The following FLI1 variants were observed in gnomAD, a reference collection of about 807,000 sequenced individuals.
FLI1 encodes the protein Fli-1 proto-oncogene, ETS transcription factor, also known as Friend leukemia integration 1 transcription factor.
In FLI1, 13 loss-of-function variants were observed where a neutral mutation model predicts 53.1. That is an observed-to-expected ratio of 0.24 (90% CI 0.16 to 0.39). The LOEUF (loss-of-function observed/expected upper bound fraction) is 0.39, where lower values mean the gene tolerates loss of function less well. FLI1 is among the 10% of genes least tolerant of loss of function. FLI1 has a pLI of 1.00. For missense variants in FLI1, 424 were observed against 600.5 expected (o/e 0.71, Z 3.07); for synonymous variants, 244 against 236.7 (o/e 1.03, Z -0.28).
At chr11:128,750,339 T>C (rs1457975871) in intron 1 of FLI1, among the ~76,000 whole-genome samples, 1 of 152,186 alleles carries the variant, frequency 6.6e-6, no homozygotes. Context: ...AAGGACACAA[T>C]GGGACATTGG....
intron 8 of FLI1, 148 bp downstream of exon 8, chr11:128,809,352 C>A: frequency 1.3e-6 from 1 of 744,236 alleles, no homozygotes; most frequent in Non-Finnish European, 2.3e-6. Context: ...GTTTCTGGAG[C>A]ATGTGAACAA....
chr11:128,750,714 T>G (rs1940607637), intron 1 of FLI1, among the ~76,000 whole-genome samples: 1 of 152,174 alleles, frequency 6.6e-6, no homozygotes, highest in Non-Finnish European at 1.5e-5. Flanking sequence ...TCACATCCCA[T>G]CACTCAACTC....
rs534092063 is a variant in FLI1 at position 128,768,471 on chromosome 11, G to C, written c.385+199G>C. ...CCAAGACGGGTGAATCACTTGTCAG[G>C]AGTTCAAGACCAGCCTAGCCAACGT... is the stretch of plus-strand genomic sequence containing the variant. On this transcript the variant is annotated intron_variant, in intron 3 of 8. Coordinates refer to ENST00000527786, the MANE Select transcript of FLI1 (RefSeq NM_002017.5). 941 of 610,266 alleles carry C rather than the reference G, an allele frequency of 1.5e-3. 8 individuals carry two copies. The African/African-American group carries it at 0.016, about 10-fold the overall frequency. 37.8% of individuals were successfully genotyped at this position (610,266 alleles called of 1,614,324 possible).
chr11:128,694,374 C>G, intron 1 of FLI1, 98 bp downstream of exon 1: 1 of 980,960 alleles, frequency 1.0e-6, no homozygotes, highest in Non-Finnish European at 1.4e-6. Context: ...AAGACGTGGC[C>G]TCTCTCCCTT....
intron 1 of FLI1, among the ~76,000 whole-genome samples, chr11:128,746,059 C>T (rs1940374700): frequency 6.6e-6 from 1 of 152,114 alleles, no homozygotes; most frequent in Non-Finnish European, 1.5e-5. Context: ...TTAGGCAAGC[C>T]TTGGGGGAAG....
chr11:128,787,963 C>T lies in FLI1; in HGVS notation c.655+5940C>T, dbSNP rs548842276. 7.2e-5 allele frequency among the ~76,000 whole-genome samples: 11 copies of T among 151,844 alleles called. No individual in the cohort carries two copies. The East Asian group carries it at 1.4e-3, about 19-fold the overall frequency. ...CTGGGACTACAGGTGCCCGCCACCA[C>T]GCCCAGCTAATTTTTTTTTGTATTT... On this transcript the variant is annotated intron_variant, in intron 5 of 8. Coordinates refer to ENST00000527786, the MANE Select transcript of FLI1 (RefSeq NM_002017.5).
chr11:128,799,049 A>AGTTTTTTT (rs1942542040), intron 5 of FLI1, among the ~76,000 whole-genome samples: 1 of 137,278 alleles, frequency 7.3e-6, no homozygotes, highest in African/African-American at 2.7e-5. Context: ...TATTATTATT[A>AGTTTTTTT]TTATTTTGCT....
chr11:128,768,521 A>G, intron 3 of FLI1: 1 of 445,178 alleles, frequency 2.2e-6, no homozygotes, highest in South Asian at 2.5e-5. Context: ...TCTACTAAAA[A>G]AAAAAAAAAA....
At chr11:128,786,289 A>G (rs1412040726) in intron 5 of FLI1, among the ~76,000 whole-genome samples, 2 of 152,220 alleles carry the variant, frequency 1.3e-5, no homozygotes, top group Non-Finnish European at 2.9e-5. Context: ...TTGTCCTAGA[A>G]AAGGAATAGC....
At chr11:128,766,194 A>G (rs563369690) in intron 2 of FLI1, among the ~76,000 whole-genome samples, 28 of 152,338 alleles carry the variant, frequency 1.8e-4, no homozygotes, top group East Asian at 1.3e-3. Context: ...TGCAGGCACC[A>G]GGGTCTGACT....
chr11:128,687,993 G>T (rs1349994106), intron 1 of FLI1, among the ~76,000 whole-genome samples: 1 of 152,212 alleles, frequency 6.6e-6, no homozygotes, highest in East Asian at 1.9e-4. Context: ...AGGCGCGCAC[G>T]GATTCGCTGT....
At chr11:128,807,067 G>A in intron 6 of FLI1, 113 bp from the exon 7 acceptor site, 1 of 491,440 alleles carries the variant, frequency 2.0e-6, no homozygotes. Context: ...ATGAATAAAT[G>A]AGTCAGTGGA....
chr11:128,719,356 C>CGTGTGTGT (rs56336914), intron 1 of FLI1, among the ~76,000 whole-genome samples: 8,783 of 145,156 alleles, frequency 0.061, 324 homozygotes, highest in Middle Eastern at 0.11. Context: ...CCCCTTTTCC[C>CGTGTGTGT]GTGTGTGTGT....
At position 128,755,293 on chromosome 11, in the gene FLI1, A is replaced by G. The variant is rs563741224; in HGVS notation, c.19-2822A>G. Among the ~76,000 whole-genome samples the G allele has an allele frequency of 5.3e-5, 8 of 152,346 alleles. No individual in the cohort carries two copies. In the South Asian group the frequency reaches 1.5e-3, roughly 28 times the overall value. On this transcript the variant is annotated intron_variant, in intron 1 of 8. Coordinates refer to ENST00000527786, the MANE Select transcript of FLI1 (RefSeq NM_002017.5). ...AACCTAGAAGAGGGAAGGGAAAGAAATTATTTTACTGGAAACTCCAAGGTT... is the reference window on the plus strand; with the variant it reads ...AACCTAGAAGAGGGAAGGGAAAGAAGTTATTTTACTGGAAACTCCAAGGTT...
intron 7 of FLI1, among the ~76,000 whole-genome samples, chr11:128,808,584 A>G (rs994434558): frequency 2.6e-5 from 4 of 152,238 alleles, no homozygotes; most frequent in African/African-American, 9.6e-5. Context: ...AAGAAAACTG[A>G]GGAATCCAGT....
At chr11:128,803,750 G>C (rs547865405) in intron 5 of FLI1, 1 of 152,188 alleles carries the variant, frequency 6.6e-6, no homozygotes, top group African/African-American at 2.4e-5. Flanking sequence ...GCCTCCTCCT[G>C]CTCAAAGAAA....
chr11:128,800,434 C>T (rs1253670737), intron 5 of FLI1, among the ~76,000 whole-genome samples: 4 of 152,128 alleles, frequency 2.6e-5, no homozygotes, highest in Admixed American at 1.3e-4. Flanking sequence ...CAAGGTGGAG[C>T]GCTGCATGCC....
intron 1 of FLI1, among the ~76,000 whole-genome samples, chr11:128,754,122 T>A (rs565686613): frequency 6.6e-6 from 1 of 152,186 alleles, no homozygotes; most frequent in Non-Finnish European, 1.5e-5. Context: ...GACAGGGAAC[T>A]CTTCTCCTTC....
At chr11:128,777,269 G>A (rs1477741652) in intron 4 of FLI1, among the ~76,000 whole-genome samples, 1 of 152,114 alleles carries the variant, frequency 6.6e-6, no homozygotes, top group Non-Finnish European at 1.5e-5. Flanking sequence ...AGGTGGGGAG[G>A]CAGAAAGAAA....
Sources: gnomAD v4.1 joint callset for allele counts (sites outside exome capture counted in the v4.1 genomes callset) on GRCh38, gnomAD v4.1.1 for gene constraint, MANE v1.5 for transcripts, NCBI Gene and HGNC (gene_info 2026-07-23, HGNC 2026-07-21) for gene names.